SCAPER: variants seen among roughly 807,000 people sequenced by gnomAD.
SCAPER encodes S-phase cyclin A associated protein in the ER.
Under a neutral mutation model 182.2 loss-of-function variants are expected in SCAPER, and 98 were observed. The observed-to-expected ratio is 0.54, with a 90% CI of 0.46 to 0.64. SCAPER has a LOEUF of 0.64. Among genes scored for constraint, SCAPER ranks in the 30% least tolerant of loss-of-function variants. The probability of loss-of-function intolerance (pLI) is 0.00; values close to 1 mark genes in which losing one functional copy is unlikely to be tolerated. For missense variants in SCAPER, 1,432 were observed against 1,690.0 expected, an observed-to-expected ratio of 0.85 and a Z score of 2.68; for synonymous variants, 605 against 564.6, an observed-to-expected ratio of 1.07 and a Z score of -1.01.
Position 76,690,332 on chromosome 15 carries a change from C to T in SCAPER, c.2508+11426G>A, listed in dbSNP as rs73461338. ...ACATTCTGCAAAATGCCTCACCCAG[C>T]ACTCCTCAAAACCGATAGGGCCATG... On this transcript the variant is annotated intron_variant, in intron 20 of 31. Transcript: ENST00000563290. 4.2e-3 allele frequency among the ~76,000 whole-genome samples: 643 copies of T among 152,158 alleles called. 6 individuals are homozygous for T. The highest frequency in any genetic ancestry group is 0.015 in the African/African-American group (611 of 41,538).
In SCAPER at chr15:76,841,917, G is replaced by A. The variant is rs1218177233; in HGVS notation, c.210C>T (p.Asp70=). 4 of 1,613,630 alleles carry A rather than the reference G, an allele frequency of 2.5e-6. No homozygotes were observed. The highest frequency in any genetic ancestry group is 2.5e-6 in the Non-Finnish European group (3 of 1,179,726). ...CAGTCGTAGACGATGTTATTTTACA[G>A]TCCACTGCAGTACTCTGGTGAAGTA... ...HKTTKQSTAV[D]CKITSSTTGD... The change falls in exon 5 of 32, where the codon GAC becomes GAT. Residue 70 remains aspartate, a synonymous_variant. Coordinates refer to ENST00000563290, the MANE Select transcript of SCAPER (RefSeq NM_020843.4).
chr15:76,619,254 A>G (rs909289604), intron 22 of SCAPER, among the ~76,000 whole-genome samples: 3 of 152,232 alleles, frequency 2.0e-5, no homozygotes, highest in Non-Finnish European at 4.4e-5. Flanking sequence ...TAATTATTTC[A>G]GTATTTATCC....
intron 26 of SCAPER, among the ~76,000 whole-genome samples, chr15:76,423,926 G>A (rs1596541535): frequency 6.6e-6 from 1 of 152,162 alleles, no homozygotes; most frequent in African/African-American, 2.4e-5. Context: ...GTAGTTGAGC[G>A]GTTTTGAGTG....
chr15:76,752,912 A>T (rs2062180322), intron 15 of SCAPER, among the ~76,000 whole-genome samples: 1 of 151,824 alleles, frequency 6.6e-6, no homozygotes, highest in South Asian at 2.1e-4. Context: ...ATAGGAAAAA[A>T]ATTAGACTCT....
chr15:76,453,319 T>C (rs2048504493), intron 25 of SCAPER, among the ~76,000 whole-genome samples: 1 of 152,250 alleles, frequency 6.6e-6, no homozygotes, highest in South Asian at 2.1e-4. Context: ...TTGCCAGTTG[T>C]CCCATTAATG....
intron 23 of SCAPER, among the ~76,000 whole-genome samples, chr15:76,540,518 G>A (rs1437125457): frequency 2.0e-5 from 3 of 151,762 alleles, no homozygotes; most frequent in African/African-American, 4.8e-5. Context: ...ATATATACAC[G>A]TCTATATTTT....
chr15:76,397,772 C>T lies in SCAPER; in HGVS notation c.3467+6752G>A, dbSNP rs181843310. ...GATTACAGGTGTGAGCCACCGCGCC[C>T]GGTCAGGAGACTTTTATTATAGCTT... On this transcript the variant is annotated intron_variant, in intron 27 of 31. Coordinates refer to ENST00000563290, the MANE Select transcript of SCAPER (RefSeq NM_020843.4). Among the ~76,000 whole-genome samples the T allele has an allele frequency of 3.2e-4, 48 of 152,058 alleles. 1 individual carries two copies. Among genetic ancestry groups the T allele is most frequent in the Non-Finnish European group, 6.0e-4 (41 of 68,010 alleles).
At chr15:76,584,577 A>C (rs1433330877) in intron 22 of SCAPER, among the ~76,000 whole-genome samples, 2 of 152,170 alleles carry the variant, frequency 1.3e-5, no homozygotes, top group African/African-American at 4.8e-5. Flanking sequence ...AAAAATGCAA[A>C]ATCTAAGGCT....
At chr15:76,733,169 G>GC in intron 16 of SCAPER, 60 bp downstream of exon 16, 1 of 1,497,328 alleles carries the variant, frequency 6.7e-7, no homozygotes, top group Non-Finnish European at 9.0e-7. Context: ...ACCCTGCGGG[G>GC]CTGGACCCTA....
rs188884359 is a variant in SCAPER at position 76,575,255 on chromosome 15, T to C, written c.2712-971A>G. Among the ~76,000 whole-genome samples, 10 of 151,626 alleles carry C rather than the reference T, an allele frequency of 6.6e-5. No homozygotes were observed. In the East Asian group the frequency reaches 1.6e-3, roughly 24 times the overall value. ...GGCAGGGGTGGGGGTGTGGGGGGAG[T>C]CAGACCATGCAAAATACTGGTAGGA... On this transcript the variant is annotated intron_variant, in intron 22 of 31. Transcript: ENST00000563290.
chr15:76,575,436 CAG>C (rs1292492117), intron 22 of SCAPER, among the ~76,000 whole-genome samples: 3 of 152,162 alleles, frequency 2.0e-5, no homozygotes, highest in Non-Finnish European at 4.4e-5. Flanking sequence ...AAAGAGAAAA[CAG>C]AAGTTATTGG....
intron 23 of SCAPER, among the ~76,000 whole-genome samples, chr15:76,506,418 A>G (rs557220938): frequency 6.6e-6 from 1 of 152,034 alleles, no homozygotes; most frequent in South Asian, 2.1e-4. Flanking sequence ...AAAAATTAGA[A>G]AAAAAAATGA....
chr15:76,538,723 TA>T (rs34173122), intron 23 of SCAPER, among the ~76,000 whole-genome samples: 146,718 of 151,326 alleles, frequency 0.97, 71,261 homozygotes, highest in East Asian at 1. Context: ...TAATAATAAT[TA>T]AAAAAAAAAG....
At chr15:76,685,710 T>C (rs1438898976) in intron 20 of SCAPER, among the ~76,000 whole-genome samples, 3 of 152,050 alleles carry the variant, frequency 2.0e-5, no homozygotes, top group Non-Finnish European at 2.9e-5. Context: ...TTCTAAAATG[T>C]ATAAGGATGA....
chr15:76,507,011 A>G (rs1375110959), intron 23 of SCAPER, among the ~76,000 whole-genome samples: 1 of 152,192 alleles, frequency 6.6e-6, no homozygotes, highest in Non-Finnish European at 1.5e-5. Context: ...GGTAGAATCA[A>G]TGCAATATAT....
intron 17 of SCAPER, among the ~76,000 whole-genome samples, chr15:76,723,208 G>A (rs191491469): frequency 2.0e-5 from 3 of 152,186 alleles, no homozygotes; most frequent in East Asian, 1.9e-4. Context: ...TTCAGGAGCC[G>A]GTTGTTCAGT....
intron 26 of SCAPER, among the ~76,000 whole-genome samples, chr15:76,429,760 G>T (rs573073411): frequency 2.6e-5 from 4 of 152,164 alleles, no homozygotes; most frequent in African/African-American, 9.7e-5. Flanking sequence ...CTGACTACGC[G>T]ATAGAAAAGA....
intron 22 of SCAPER, among the ~76,000 whole-genome samples, chr15:76,603,071 C>T (rs543048470): frequency 1.8e-5 from 2 of 111,198 alleles, no homozygotes; most frequent in East Asian, 4.7e-4. Flanking sequence ...TTTTAGGGTA[C>T]ATGTGCACAA....
intron 22 of SCAPER, among the ~76,000 whole-genome samples, chr15:76,608,963 T>C (rs1344654472): frequency 6.6e-6 from 1 of 152,174 alleles, no homozygotes; most frequent in Non-Finnish European, 1.5e-5. Flanking sequence ...CCTGACCCCT[T>C]GTGCTTCCTG....
Sources: allele counts gnomAD v4.1 joint callset (sites outside exome capture counted in the v4.1 genomes callset), GRCh38; gene constraint gnomAD v4.1.1; transcripts MANE v1.5; gene names NCBI Gene and HGNC (gene_info 2026-07-23, HGNC 2026-07-21).